KCNH1: variants seen among roughly 807,000 people sequenced by gnomAD.
KCNH1 encodes the protein voltage-gated delayed rectifier potassium channel KCNH1.
KCNH1 carries 27 observed loss-of-function variants against 69.2 expected under a neutral mutation model. That is an observed-to-expected ratio of 0.39 (90% CI 0.29 to 0.54). KCNH1 has a LOEUF of 0.54. Among genes scored for constraint, KCNH1 ranks in the 20% least tolerant of loss-of-function variants. The probability of loss-of-function intolerance (pLI) is 0.68; values close to 1 mark genes in which losing one functional copy is unlikely to be tolerated. For synonymous variants in KCNH1, 456 were observed against 487.7 expected, an observed-to-expected ratio of 0.93 and a Z score of 0.86; for missense variants, 798 against 1,261.6, an observed-to-expected ratio of 0.63 and a Z score of 5.57.
chr1:210,968,726 T>C (rs1213424385), intron 6 of KCNH1, among the ~76,000 whole-genome samples: 1 of 152,104 alleles, frequency 6.6e-6, no homozygotes, highest in Non-Finnish European at 1.5e-5. Context: ...TTTGTTTTTT[T>C]CTTGTAAATT....
chr1:211,047,544 G>A (rs561288081), intron 5 of KCNH1, among the ~76,000 whole-genome samples: 75 of 152,284 alleles, frequency 4.9e-4, no homozygotes, highest in African/African-American at 1.8e-3. Context: ...TCCAATCTTG[G>A]CTTCAGAGCT....
intron 10 of KCNH1, among the ~76,000 whole-genome samples, chr1:210,759,071 T>C (rs934555917): frequency 6.6e-6 from 1 of 151,756 alleles, no homozygotes; most frequent in African/African-American, 2.4e-5. Context: ...CAGTTGCTTA[T>C]GCACAATATA....
At chr1:210,838,731 C>A (rs1245538251) in intron 7 of KCNH1, among the ~76,000 whole-genome samples, 1 of 152,024 alleles carries the variant, frequency 6.6e-6, no homozygotes, top group Non-Finnish European at 1.5e-5. Flanking sequence ...AGAAAAACAA[C>A]CCCATTAAAA....
intron 1 of KCNH1, among the ~76,000 whole-genome samples, chr1:211,123,828 T>C (rs1691731252): frequency 6.6e-6 from 1 of 150,612 alleles, no homozygotes; most frequent in Non-Finnish European, 1.5e-5. Context: ...GGGGAGAGAA[T>C]GAGACCAAAG....
intron 6 of KCNH1, among the ~76,000 whole-genome samples, chr1:210,990,306 T>C (rs375857530): frequency 6.2e-4 from 95 of 152,328 alleles, no homozygotes; most frequent in African/African-American, 2.1e-3. Flanking sequence ...GTCCTAATTA[T>C]TGAAGGAGAT....
chr1:210,913,348 C>A (rs1199363100), intron 7 of KCNH1, among the ~76,000 whole-genome samples: 1 of 151,280 alleles, frequency 6.6e-6, no homozygotes, highest in Non-Finnish European at 1.5e-5. Context: ...AAGGGAGTAG[C>A]AATTATTATT....
chr1:211,003,104 A>G (rs1689219663), intron 6 of KCNH1, among the ~76,000 whole-genome samples: 1 of 152,050 alleles, frequency 6.6e-6, no homozygotes. Context: ...AGGGGAGGAA[A>G]GGAGGAGAGA....
At chr1:210,930,984 A>C (rs1031219405) in intron 6 of KCNH1, among the ~76,000 whole-genome samples, 1 of 152,184 alleles carries the variant, frequency 6.6e-6, no homozygotes, top group Non-Finnish European at 1.5e-5. Context: ...CACTCCTACA[A>C]GAATGGCCAT....
chr1:210,929,865 C>T (rs1220410813), intron 6 of KCNH1, among the ~76,000 whole-genome samples: 1 of 152,190 alleles, frequency 6.6e-6, no homozygotes, highest in Non-Finnish European at 1.5e-5. Flanking sequence ...AAATCAGTAG[C>T]TCTTTTATTC....
intron 6 of KCNH1, among the ~76,000 whole-genome samples, chr1:210,979,638 T>A (rs1688675403): frequency 6.6e-6 from 1 of 152,218 alleles, no homozygotes; most frequent in Non-Finnish European, 1.5e-5. Flanking sequence ...ATTTTTCTCA[T>A]GTCATTTTTA....
chr1:210,767,545 A>G (rs1364610736), intron 10 of KCNH1, among the ~76,000 whole-genome samples: 4 of 152,234 alleles, frequency 2.6e-5, no homozygotes, highest in African/African-American at 9.6e-5. Context: ...GTAAAACACT[A>G]GCTCTAGTGG....
At chr1:210,879,402 T>C (rs1464401927) in intron 7 of KCNH1, among the ~76,000 whole-genome samples, 1 of 151,984 alleles carries the variant, frequency 6.6e-6, no homozygotes, top group Admixed American at 6.6e-5. Context: ...AAAATAATTA[T>C]ACGGCAAAAA....
intron 5 of KCNH1, among the ~76,000 whole-genome samples, chr1:211,070,424 A>ACACACAC (rs1232138926): frequency 0.032 from 3,446 of 109,160 alleles, 67 homozygotes; most frequent in Middle Eastern, 0.061. Flanking sequence ...CCTTTAAAAA[A>ACACACAC]AAAAAAACAC....
chr1:210,866,602 G>T (rs116105015), intron 7 of KCNH1, among the ~76,000 whole-genome samples: 1 of 152,030 alleles, frequency 6.6e-6, no homozygotes, highest in South Asian at 2.1e-4. Flanking sequence ...TAATCAAAAC[G>T]ACAAGTGTTG....
intron 7 of KCNH1, among the ~76,000 whole-genome samples, chr1:210,847,157 T>C (rs1213846597): frequency 6.6e-6 from 1 of 152,178 alleles, no homozygotes. Context: ...TCAACCATTG[T>C]GGAAGTCAGT....
At chr1:210,846,435 A>C (rs1285791979) in intron 7 of KCNH1, among the ~76,000 whole-genome samples, 1 of 152,160 alleles carries the variant, frequency 6.6e-6, no homozygotes, top group African/African-American at 2.4e-5. Flanking sequence ...ACATATCTAC[A>C]ACCATCTGAT....
chr1:211,104,973 C>T (rs1691325586), intron 2 of KCNH1, among the ~76,000 whole-genome samples: 2 of 152,196 alleles, frequency 1.3e-5, no homozygotes, highest in African/African-American at 4.8e-5. Flanking sequence ...CAGCCTTGGG[C>T]TTACTACAGG....
At chr1:210,933,411 C>T (rs933456521) in intron 6 of KCNH1, among the ~76,000 whole-genome samples, 26 of 151,732 alleles carry the variant, frequency 1.7e-4, no homozygotes, top group African/African-American at 5.1e-4. Flanking sequence ...ATATCTAATG[C>T]TAAATGATGA....
At chr1:210,994,753 T>C (rs1374969163) in intron 6 of KCNH1, among the ~76,000 whole-genome samples, 1 of 152,204 alleles carries the variant, frequency 6.6e-6, no homozygotes, top group Non-Finnish European at 1.5e-5. Context: ...TTTTCAATGT[T>C]ATACCCCAGT....
Sources: gnomAD v4.1 joint callset for allele counts (sites outside exome capture counted in the v4.1 genomes callset) on GRCh38, gnomAD v4.1.1 for gene constraint, MANE v1.5 for transcripts, NCBI Gene and HGNC (gene_info 2026-07-23, HGNC 2026-07-21) for gene names.